LIMS2: variants seen among roughly 807,000 people sequenced by gnomAD.
LIMS2 encodes the protein LIM zinc finger domain containing 2, also known as LIM and senescent cell antigen-like-containing domain protein 2.
LIMS2 carries 30 observed loss-of-function variants against 45.3 expected under a neutral mutation model. The ratio of observed to expected loss-of-function variants is 0.66; its 90% CI spans 0.50 to 0.90. The LOEUF (loss-of-function observed/expected upper bound fraction) is 0.90, where lower values mean the gene tolerates loss of function less well. LIMS2 is among the 40% of genes least tolerant of loss of function. LIMS2 has a pLI of 0.00. For synonymous variants in LIMS2, 173 were observed against 188.0 expected (o/e 0.92, Z 0.65); for missense variants, 485 against 468.7 (o/e 1.03, Z -0.32).
Position 127,639,192 on chromosome 2 carries a change from G to T in LIMS2, c.*89C>A. 1 of 1,386,700 alleles carries T rather than the reference G, an allele frequency of 7.2e-7. No homozygotes were observed. The highest frequency in any genetic ancestry group is 1.0e-6 in the Non-Finnish European group (1 of 999,366). The allele number at this position is 1,386,700 out of a possible 1,614,324, so 85.9% of individuals were successfully genotyped here. On this transcript the variant is annotated 3_prime_UTR_variant, in exon 10 of 10. Coordinates refer to ENST00000355119, the MANE Select transcript of LIMS2 (RefSeq NM_001161403.3). ...AGAAAGGGAGGGTAAGATGCGGAGG[G>T]CACAGGTGGATGGGGACGAGGGGGC...
In LIMS2 at chr2:127,653,566, GGA is replaced by G. The variant is rs1684013857; in HGVS notation, c.359+856_359+857del. On this transcript the variant is annotated intron_variant, in intron 4 of 9. Coordinates refer to ENST00000355119, the MANE Select transcript of LIMS2 (RefSeq NM_001161403.3). The surrounding 1 kb of genome is among the most constrained non-coding windows in gnomAD (Gnocchi z 5.3). ...CACGGAGCCCCAGACGACTCCCCAT[GGA>G]GAGACAGGGAGAAAGGTGACTCAGA... is the stretch of plus-strand genomic sequence containing the variant. 1.3e-5 allele frequency among the ~76,000 whole-genome samples: 2 copies of G among 152,176 alleles called. No homozygotes were observed. The highest frequency in any genetic ancestry group is 2.9e-5 in the Non-Finnish European group (2 of 68,016).
In LIMS2 at chr2:127,664,522, C is replaced by T. The variant is rs895732551; in HGVS notation, c.12-6960G>A. ...GACGGGCGTGTGGGCGCCTCCCCCGCGCTGGTCGCGAGCTCACGTTACGCG... is the reference window on the plus strand; with the variant it reads ...GACGGGCGTGTGGGCGCCTCCCCCGTGCTGGTCGCGAGCTCACGTTACGCG... On this transcript the variant is annotated intron_variant, in intron 1 of 9. Coordinates refer to ENST00000355119, the MANE Select transcript of LIMS2 (RefSeq NM_001161403.3). This position sits in a 1 kb window ranked among gnomAD's most constrained non-coding sequence, Gnocchi z 5.5. 4.3e-6 allele frequency: 5 copies of T among 1,152,428 alleles called. No homozygotes were observed. The African/African-American group carries it at 6.5e-5, about 15-fold the overall frequency. 71.4% of individuals were successfully genotyped at this position (1,152,428 alleles called of 1,614,324 possible). A position where few individuals can be genotyped will look rare whatever the true frequency, so the allele number is the denominator to read the frequency against.
intron 4 of LIMS2, chr2:127,648,340 C>T: frequency 3.1e-6 from 1 of 327,476 alleles, no homozygotes; most frequent in Non-Finnish European, 4.4e-6. Context: ...TAGGTAGTTG[C>T]CCTCCCCTTT....
intron 4 of LIMS2, among the ~76,000 whole-genome samples, chr2:127,646,875 A>T (rs771875533): frequency 5.3e-5 from 8 of 152,258 alleles, no homozygotes; most frequent in Non-Finnish European, 8.8e-5. Context: ...CCCATCTCAG[A>T]CCAAACTGCA....
At chr2:127,641,947 C>T (rs1222955984) in intron 6 of LIMS2, 102 bp downstream of exon 6, 2 of 1,356,794 alleles carry the variant, frequency 1.5e-6, no homozygotes, top group Non-Finnish European at 9.9e-7. Flanking sequence ...AGCCAGCCAC[C>T]CGCCCTGGGC....
chr2:127,656,052 C>A (rs1389320958), intron 2 of LIMS2: 3 of 152,200 alleles, frequency 2.0e-5, no homozygotes, highest in Non-Finnish European at 4.4e-5. Flanking sequence ...TGTGCAGTGG[C>A]CACACCAGCA....
At position 127,664,851 on chromosome 2, in the gene LIMS2, C is replaced by T. The variant is rs1362681188; in HGVS notation, c.12-7289G>A. Reference sequence around the variant, plus strand: ...AGGATCCCTGCCAACAGTTAGGAAACCGAGGACCGGAGCCACACAGGCCCA... The same window carrying T: ...AGGATCCCTGCCAACAGTTAGGAAATCGAGGACCGGAGCCACACAGGCCCA... On this transcript the variant is annotated intron_variant, in intron 1 of 9. Transcript: ENST00000355119. This position sits in a 1 kb window ranked among gnomAD's most constrained non-coding sequence, Gnocchi z 5.5. Among the ~76,000 whole-genome samples, 1 of 152,200 alleles carries T rather than the reference C, an allele frequency of 6.6e-6. No individual in the cohort carries two copies. The highest frequency in any genetic ancestry group is 1.5e-5 in the Non-Finnish European group (1 of 68,032).
At chr2:127,668,697 A>AC (rs1558901443) in intron 1 of LIMS2, among the ~76,000 whole-genome samples, 5 of 85,824 alleles carry the variant, frequency 5.8e-5, no homozygotes, top group Non-Finnish European at 1.0e-4. Flanking sequence ...AAAAAAAAAA[A>AC]AAAAAAAAAA....
At chr2:127,680,151 G>C (rs55768871), upstream of LIMS2, among the ~76,000 whole-genome samples, 177 of 152,376 alleles carry the variant, frequency 1.2e-3, no homozygotes, top group African/African-American at 3.9e-3. Context: ...AACCCCCCGG[G>C]GGGGAGCGGG....
rs527896959 is a variant in LIMS2 at position 127,673,043 on chromosome 2, G to A, written c.11+1971C>T. ...GGACAGGAAAACTCTCGCCCACTCC[G>A]AAGGCCGGGTTGGATGTCTGTTCCT... On this transcript the variant is annotated intron_variant, in intron 1 of 9. Transcript: ENST00000355119. Among the ~76,000 whole-genome samples the A allele has an allele frequency of 1.7e-4, 26 of 152,324 alleles. No homozygotes were observed. The South Asian group carries it at 4.3e-3, about 25-fold the overall frequency.
chr2:127,673,946 C>T (rs1033439278), intron 1 of LIMS2: 4 of 569,828 alleles, frequency 7.0e-6, no homozygotes, highest in South Asian at 2.0e-5. Flanking sequence ...GGGGAGCTAA[C>T]TGGGAAGAGA....
intron 4 of LIMS2, 105 bp downstream of exon 4, chr2:127,654,319 G>A: frequency 2.7e-6 from 4 of 1,499,366 alleles, no homozygotes; most frequent in Non-Finnish European, 1.8e-6. Flanking sequence ...TGCAGCACCG[G>A]GACCCTTCTG....
At chr2:127,650,314 C>T (rs145933795) in intron 4 of LIMS2, 130 of 566,516 alleles carry the variant, frequency 2.3e-4, no homozygotes, top group Middle Eastern at 9.3e-4. Context: ...ACACTGCCCC[C>T]GCCCCTCACC....
chr2:127,642,118 G>A lies in LIMS2; in HGVS notation c.591C>T (p.Ile197=). 1 of 1,608,024 alleles carries A rather than the reference G, an allele frequency of 6.2e-7. No homozygotes were observed. Among genetic ancestry groups the A allele is most frequent in the Non-Finnish European group, 8.5e-7 (1 of 1,177,194 alleles). ...LPCHDKMGVP[I]CGACRRPIEG... ...CGATGGGCCGGCGGCAGGCCCCGCA[G>A]ATGGGGACGCCCATCTTGTCATGGC... Residue 197 remains isoleucine (I), a synonymous_variant, in exon 6 of 10, where the codon ATC becomes ATT. Coordinates refer to ENST00000355119, the MANE Select transcript of LIMS2 (RefSeq NM_001161403.3). This position sits in a 1 kb window ranked among gnomAD's most constrained non-coding sequence, Gnocchi z 5.3.
intron 1 of LIMS2, among the ~76,000 whole-genome samples, chr2:127,661,640 C>T (rs1286856808): frequency 6.6e-6 from 1 of 152,212 alleles, no homozygotes; most frequent in Non-Finnish European, 1.5e-5. Context: ...AGCCAAACCC[C>T]AGAGGTGGGG....
At chr2:127,649,098 G>GAAAAAA (rs376579491) in intron 4 of LIMS2, among the ~76,000 whole-genome samples, 11,559 of 124,382 alleles carry the variant, frequency 0.093, 688 homozygotes, top group Non-Finnish European at 0.14. Context: ...AAAGAAAAAA[G>GAAAAAA]AAAAGAAAAA....
Position 127,642,210 on chromosome 2 carries a change from G to A in LIMS2, c.510-11C>T, listed in dbSNP as rs1166695012. 5 of 1,534,306 alleles carry A rather than the reference G, an allele frequency of 3.3e-6. No homozygotes were observed. The highest frequency in any genetic ancestry group is 2.7e-5 in the African/African-American group (2 of 73,164). On this transcript the variant is annotated splice_polypyrimidine_tract_variant and intron_variant, in intron 5 of 9. Coordinates refer to ENST00000355119, the MANE Select transcript of LIMS2 (RefSeq NM_001161403.3). This position sits in a 1 kb window ranked among gnomAD's most constrained non-coding sequence, Gnocchi z 5.3. ...GCTGTCAGCTCCTTCCTGGAAGACA[G>A]CGTGCAGCCCCCAGGTGCCACCCCT...
rs1684114349 is a variant in LIMS2 at position 127,654,544 on chromosome 2, C to A, written c.239G>T (p.Gly80Val). 1 of 1,614,006 alleles carries A rather than the reference C, an allele frequency of 6.2e-7. No homozygotes were observed. Among genetic ancestry groups the A allele is most frequent in the Non-Finnish European group, 8.5e-7 (1 of 1,180,014 alleles). The change falls in exon 4 of 10, where the codon GGT becomes GTT. Residue 80 changes from glycine (G) to valine (V), a missense_variant and splice_region_variant. Physicochemically the swap from Gly to Val is moderately radical, Grantham distance 109. Coordinates refer to ENST00000355119, the MANE Select transcript of LIMS2 (RefSeq NM_001161403.3). ...GATGACGCGGCCAATGATGAACTCA[C>A]CTGGAAGAAGACAGGTCCCTGCTGG... is the stretch of plus-strand genomic sequence containing the variant. ...MLFAPCCGSC[G>V]EFIIGRVIKA...
intron 1 of LIMS2, among the ~76,000 whole-genome samples, chr2:127,668,664 GTC>G (rs1685127695): frequency 3.1e-5 from 1 of 32,576 alleles, no homozygotes; most frequent in Non-Finnish European, 5.6e-5. Context: ...GTGAGACTCC[GTC>G]TCAAAAAAAA....
Sources: allele counts gnomAD v4.1 joint callset (sites outside exome capture counted in the v4.1 genomes callset), GRCh38; gene constraint gnomAD v4.1.1; non-coding constraint Gnocchi (gnomAD v3.1); transcripts MANE v1.5; gene names NCBI Gene and HGNC (gene_info 2026-07-23, HGNC 2026-07-21).